Variants in ELAVL2 observed in about 807,000 individuals in gnomAD.
The protein encoded by ELAVL2 is ELAV like RNA binding protein 2.
Under a neutral mutation model 34.6 loss-of-function variants are expected in ELAVL2, and 4 were observed. The observed-to-expected ratio is 0.12, with a 90% CI of 0.06 to 0.26. ELAVL2 has a LOEUF of 0.26. ELAVL2 is among the 10% of genes least tolerant of loss of function. The pLI, the probability that ELAVL2 is intolerant of heterozygous loss-of-function variation, is 1.00. For missense variants in ELAVL2, 432 were observed against 442.8 expected (o/e 0.98, Z 0.22); for synonymous variants, 193 against 154.8 (o/e 1.25, Z -1.83).
At chr9:23,701,936 A>C in intron 4 of ELAVL2, among the ~76,000 whole-genome samples, 1 of 152,118 alleles carries the variant, frequency 6.6e-6, no homozygotes. Flanking sequence ...TTTTAATGTC[A>C]ATAGTGTACC....
At chr9:23,735,361 T>A (rs1393815255) in intron 2 of ELAVL2, 1 of 152,200 alleles carries the variant, frequency 6.6e-6, no homozygotes, top group Non-Finnish European at 1.5e-5. Context: ...CACTGCAACT[T>A]CCACCTCCTG....
intron 3 of ELAVL2, among the ~76,000 whole-genome samples, chr9:23,720,376 T>A (rs1045182389): frequency 6.6e-6 from 1 of 150,848 alleles, no homozygotes; most frequent in African/African-American, 2.4e-5. Context: ...GGTTTCGTCA[T>A]GTTGGCGGCC....
intron 2 of ELAVL2, among the ~76,000 whole-genome samples, chr9:23,748,912 G>A (rs762471019): frequency 4.6e-5 from 7 of 152,024 alleles, no homozygotes; most frequent in Non-Finnish European, 1.0e-4. Context: ...CATTTATATG[G>A]GGTACCGAGA....
At chr9:23,746,903 A>G (rs542840930) in intron 2 of ELAVL2, among the ~76,000 whole-genome samples, 34 of 152,232 alleles carry the variant, frequency 2.2e-4, no homozygotes, top group African/African-American at 7.9e-4. Flanking sequence ...AATAATCAAC[A>G]AATCATTAGT....
At chr9:23,695,224 A>G (rs936802865) in intron 5 of ELAVL2, among the ~76,000 whole-genome samples, 3 of 152,220 alleles carry the variant, frequency 2.0e-5, no homozygotes, top group African/African-American at 7.2e-5. Flanking sequence ...AAATTGCTGG[A>G]ATGATCAACA....
At chr9:23,794,898 T>C (rs981835277) in intron 1 of ELAVL2, among the ~76,000 whole-genome samples, 1 of 152,174 alleles carries the variant, frequency 6.6e-6, no homozygotes, top group Admixed American at 6.5e-5. Flanking sequence ...AAATTAGGTA[T>C]ATACAGCTCC....
At chr9:23,822,392 C>G (rs2064928697) in intron 1 of ELAVL2, among the ~76,000 whole-genome samples, 1 of 152,034 alleles carries the variant, frequency 6.6e-6, no homozygotes, top group Non-Finnish European at 1.5e-5. Context: ...CTGCTTCAAA[C>G]GCAAAGTAGG....
At position 23,701,426 on chromosome 9, in the gene ELAVL2, T is replaced by G. The variant is rs1264025877; in HGVS notation, c.666A>C (p.Pro222=). The G allele has an allele frequency of 6.2e-7, 1 of 1,614,010 alleles. No homozygotes were observed. The highest frequency in any genetic ancestry group is 1.3e-5 in the African/African-American group (1 of 74,922). ...QAILSQLYQS[P]NRRYPGPLAQ... ...CTAGCGGTCCTGGATACCTTCTGTT[T>G]GGAGACTGGTACAGCTGGGAAAGGA... is the stretch of plus-strand genomic sequence containing the variant. Residue 222 remains proline (P), a synonymous_variant, in exon 5 of 7, where the codon CCA becomes CCC. Coordinates refer to ENST00000397312, the MANE Select transcript of ELAVL2 (RefSeq NM_004432.5).
intron 3 of ELAVL2, 49 bp from the exon 4 acceptor site, chr9:23,705,120 C>G (rs935449566): frequency 6.2e-7 from 1 of 1,604,406 alleles, no homozygotes. Flanking sequence ...CACTCACCCA[C>G]CTCCCTTTAG....
rs201181286 is a variant in ELAVL2 at position 23,701,405 on chromosome 9, C to A, written c.687G>T (p.Pro229=). The A allele has an allele frequency of 1.2e-5, 19 of 1,614,050 alleles. No individual in the cohort carries two copies. The Middle Eastern group carries it at 4.9e-4, about 42-fold the overall frequency. ...YQSPNRRYPG[P]LAQQAQRFRL... ...TAAAACGCTGTGCCTGCTGAGCTAG[C>A]GGTCCTGGATACCTTCTGTTTGGAG... The change falls in exon 5 of 7, where the codon CCG becomes CCT. Residue 229 remains proline (P), a synonymous_variant. Transcript: ENST00000397312.
Position 23,729,874 on chromosome 9 carries a change from A to G in ELAVL2, c.333+1148T>C, listed in dbSNP as rs538468893. Among the ~76,000 whole-genome samples the G allele has an allele frequency of 1.5e-4, 23 of 152,228 alleles. 1 individual carries two copies. The South Asian group carries it at 2.3e-3, about 15-fold the overall frequency. On this transcript the variant is annotated intron_variant, in intron 3 of 6. Transcript: ENST00000397312. ...CACAAAAATGACACTTCATTTCCAG[A>G]TACCTGAAAAAAATGAGCAAAAATC...
intron 3 of ELAVL2, among the ~76,000 whole-genome samples, chr9:23,726,948 T>A (rs1439883877): frequency 6.6e-6 from 1 of 151,974 alleles, no homozygotes; most frequent in Non-Finnish European, 1.5e-5. Flanking sequence ...ACCTGAAGGA[T>A]CTTGGAGAAA....
At chr9:23,842,063 T>G in the ELAVL2 span, among the ~76,000 whole-genome samples, 5 of 152,094 alleles carry the variant, frequency 3.3e-5, no homozygotes, top group Non-Finnish European at 5.9e-5. Flanking sequence ...CTACAGAAAA[T>G]GCAGAACCTT....
the ELAVL2 span, among the ~76,000 whole-genome samples, chr9:23,845,198 T>C: frequency 6.6e-6 from 1 of 151,824 alleles, no homozygotes; most frequent in African/African-American, 2.4e-5. Context: ...CTAATAACTT[T>C]CCCTTTTAGC....
intron 1 of ELAVL2, among the ~76,000 whole-genome samples, chr9:23,797,088 A>AT (rs2061022075): frequency 6.6e-6 from 1 of 152,194 alleles, no homozygotes; most frequent in African/African-American, 2.4e-5. Context: ...CAATGTCCTA[A>AT]TTTGTACAAT....
Position 23,744,020 on chromosome 9 carries a change from G to A in ELAVL2, c.230-12895C>T, listed in dbSNP as rs191775241. On this transcript the variant is annotated intron_variant, in intron 2 of 6. Coordinates refer to ENST00000397312, the MANE Select transcript of ELAVL2 (RefSeq NM_004432.5). Reference sequence around the variant, plus strand: ...AAACACATTTTAAGATTAAGGCTAAGACAAGTGGATCAGAAGAATCCATCT... The same window carrying A: ...AAACACATTTTAAGATTAAGGCTAAAACAAGTGGATCAGAAGAATCCATCT... Among the ~76,000 whole-genome samples, 22 of 152,282 alleles carry A rather than the reference G, an allele frequency of 1.4e-4. 1 individual carries two copies. The highest frequency in any genetic ancestry group is 9.2e-4 in the Admixed American group (14 of 15,292).
chr9:23,737,812 A>G (rs1426070715), intron 2 of ELAVL2, among the ~76,000 whole-genome samples: 1 of 152,236 alleles, frequency 6.6e-6, no homozygotes, highest in African/African-American at 2.4e-5. Flanking sequence ...CTCTCTGTCA[A>G]GGAAGACTTG....
chr9:23,824,220 C>T (rs2065138335), intron 1 of ELAVL2, among the ~76,000 whole-genome samples: 1 of 152,224 alleles, frequency 6.6e-6, no homozygotes, highest in Non-Finnish European at 1.5e-5. Flanking sequence ...AAACGGGGAA[C>T]TTATCCAACC....
At chr9:23,695,188 T>C (rs2034706681) in intron 5 of ELAVL2, among the ~76,000 whole-genome samples, 1 of 152,104 alleles carries the variant, frequency 6.6e-6, no homozygotes, top group African/African-American at 2.4e-5. Flanking sequence ...GCACCACCAA[T>C]CATAAAGTAA....
Sources: gnomAD v4.1 joint callset for allele counts (sites outside exome capture counted in the v4.1 genomes callset) on GRCh38, gnomAD v4.1.1 for gene constraint, MANE v1.5 for transcripts, NCBI Gene and HGNC (gene_info 2026-07-23, HGNC 2026-07-21) for gene names.